The following IGSF11 variants were observed in gnomAD, a reference collection of about 807,000 sequenced individuals.
IGSF11 encodes the protein immunoglobulin superfamily member 11, also known as CXADR like 1.
A neutral mutation model predicts 41.0 loss-of-function variants in IGSF11; 22 were observed. The observed-to-expected ratio is 0.54, with a 90% CI of 0.38 to 0.77. The LOEUF (loss-of-function observed/expected upper bound fraction) is 0.77. Ranked by LOEUF, IGSF11 falls within the 30% of genes least tolerant of loss-of-function variation. The probability of loss-of-function intolerance (pLI) is 0.00; values close to 1 mark genes in which losing one functional copy is unlikely to be tolerated. For synonymous variants in IGSF11, 219 were observed against 201.3 expected, an observed-to-expected ratio of 1.09 and a Z score of -0.74; for missense variants, 444 against 530.8, an observed-to-expected ratio of 0.84 and a Z score of 1.61.
At position 119,011,468 on chromosome 3, in the gene IGSF11, C is replaced by T. The variant is rs949342455; in HGVS notation, c.52+23063G>A. Among the ~76,000 whole-genome samples, 5 of 152,252 alleles carry T rather than the reference C, an allele frequency of 3.3e-5. 1 individual carries two copies. Among genetic ancestry groups the T allele is most frequent in the East Asian group, 1.9e-4 (1 of 5,182 alleles). On this transcript the variant is annotated intron_variant, in intron 1 of 6. Transcript: ENST00000393775. ...GTATAATCTGTGAGAAGAGCCACCA[C>T]CTACTGTGGCCACAGCATGTGGAGG...
chr3:119,022,620 G>A (rs889848451), intron 1 of IGSF11, among the ~76,000 whole-genome samples: 18 of 152,116 alleles, frequency 1.2e-4, no homozygotes, highest in Admixed American at 8.5e-4. Flanking sequence ...GAAAAGGTGC[G>A]TAACCTCATT....
At chr3:119,055,088 C>A (rs568372861) in intron 1 of IGSF11, among the ~76,000 whole-genome samples, 149 of 152,286 alleles carry the variant, frequency 9.8e-4, no homozygotes, top group African/African-American at 3.5e-3. Context: ...GGACCTCCAG[C>A]AAAATCCAAC....
chr3:119,021,559 A>G (rs1346466086), intron 1 of IGSF11, among the ~76,000 whole-genome samples: 1 of 152,172 alleles, frequency 6.6e-6, no homozygotes, highest in Non-Finnish European at 1.5e-5. Flanking sequence ...AAAGTGTAAG[A>G]CCATAACAAA....
intron 1 of IGSF11, among the ~76,000 whole-genome samples, chr3:119,118,872 A>C (rs941638495): frequency 6.6e-6 from 1 of 152,092 alleles, no homozygotes; most frequent in African/African-American, 2.4e-5. Context: ...AATCTCTAGG[A>C]CAGGGGCAAA....
At chr3:119,119,122 C>T (rs542901042) in intron 1 of IGSF11, among the ~76,000 whole-genome samples, 18 of 152,310 alleles carry the variant, frequency 1.2e-4, no homozygotes, top group South Asian at 2.1e-4. Flanking sequence ...GTTCCAAAGC[C>T]GCTTCCAAAT....
Position 118,908,987 on chromosome 3 carries a change from G to C in IGSF11, c.581-3269C>G, listed in dbSNP as rs544661145. The stretch of plus-strand genomic sequence containing the variant: ...GCTACCAAAGTGCCTACAAACTGTA[G>C]ATTACTGTGAGGACTAAATGAAAGG... On this transcript the variant is annotated intron_variant, in intron 4 of 6. Transcript: ENST00000393775. Among the ~76,000 whole-genome samples, 20 of 152,290 alleles carry C rather than the reference G, an allele frequency of 1.3e-4. No homozygotes were observed. The South Asian group carries it at 1.5e-3, about 11-fold the overall frequency.
In IGSF11 at chr3:119,046,833, G is replaced by A. The variant is rs1426503749; in HGVS notation, c.49+58311C>T. 4.0e-5 allele frequency among the ~76,000 whole-genome samples: 6 copies of A among 149,808 alleles called. No homozygotes were observed. The East Asian group carries it at 7.8e-4, about 20-fold the overall frequency. On this transcript the variant is annotated intron_variant, in intron 1 of 6. Coordinates refer to the IGSF11 transcript ENST00000354673. ...CCCTACAAGCCAGAAGAGAGTGGGG[G>A]CCAATATTCAACATTCTTAAAGAAA...
chr3:118,939,069 C>T (rs1418216487), intron 1 of IGSF11, among the ~76,000 whole-genome samples: 1 of 152,122 alleles, frequency 6.6e-6, no homozygotes, highest in African/African-American at 2.4e-5. Flanking sequence ...GAACAATGAA[C>T]TTAACATAAA....
At chr3:118,917,445 A>T (rs1177804788) in intron 4 of IGSF11, among the ~76,000 whole-genome samples, 1 of 147,448 alleles carries the variant, frequency 6.8e-6, no homozygotes, top group African/African-American at 2.6e-5. Flanking sequence ...ATCCCACAGA[A>T]ATACAAACTA....
chr3:119,088,475 GA>G (rs150244161), intron 1 of IGSF11, among the ~76,000 whole-genome samples: 14,961 of 152,046 alleles, frequency 0.098, 946 homozygotes, highest in Middle Eastern at 0.15. Context: ...CAAGAAGTTA[GA>G]AAGATCTCAT....
chr3:118,926,390 A>G lies in IGSF11; in HGVS notation c.425-134T>C, dbSNP rs904357108. On this transcript the variant is annotated intron_variant, in intron 3 of 6. Transcript: ENST00000393775. ...GGAACATATACCAGGAGACAGACTC[A>G]CCGCCTGAACCCAGGGGAGGCATGT... The G allele has an allele frequency of 9.1e-6, 6 of 657,334 alleles. No homozygotes were observed. In the African/African-American group the frequency reaches 1.1e-4, roughly 12 times the overall value. 40.7% of individuals were successfully genotyped at this position (657,334 alleles called of 1,614,324 possible).
chr3:118,943,418 T>C (rs528073600), intron 1 of IGSF11, among the ~76,000 whole-genome samples: 206 of 152,304 alleles, frequency 1.4e-3, no homozygotes, highest in African/African-American at 4.7e-3. Flanking sequence ...CTTTCAAAAA[T>C]TTCAGAAATC....
intron 1 of IGSF11, among the ~76,000 whole-genome samples, chr3:119,027,536 AT>A (rs1358849178): frequency 6.6e-6 from 1 of 152,212 alleles, no homozygotes; most frequent in Non-Finnish European, 1.5e-5. Context: ...CACTAATATT[AT>A]TCAGCTTTGG....
chr3:118,922,637 A>G (rs550318687), intron 4 of IGSF11, among the ~76,000 whole-genome samples: 1 of 151,994 alleles, frequency 6.6e-6, no homozygotes, highest in South Asian at 2.1e-4. Context: ...TACCAGTTCA[A>G]CTATTTTAGA....
rs190089186 is a variant in IGSF11, at chr3:119,096,033, A to C, written c.49+9111T>G. 5.9e-5 allele frequency among the ~76,000 whole-genome samples: 9 copies of C among 151,870 alleles called. No homozygotes were observed. The East Asian group carries it at 1.7e-3, about 29-fold the overall frequency. ...TTTCAAGTATACTTAGAATTCCTTA[A>C]GGATGAAAACTGTTTTATTTATTTA... On this transcript the variant is annotated intron_variant, in intron 1 of 6. Coordinates refer to the IGSF11 transcript ENST00000354673.
At chr3:118,973,480 C>T (rs1179565823) in intron 1 of IGSF11, among the ~76,000 whole-genome samples, 2 of 152,202 alleles carry the variant, frequency 1.3e-5, no homozygotes. Flanking sequence ...ACTCATTTCT[C>T]TAACCTGACT....
At chr3:119,108,676 A>G (rs1268013472), upstream of IGSF11, among the ~76,000 whole-genome samples, 5 of 132,470 alleles carry the variant, frequency 3.8e-5, no homozygotes, top group African/African-American at 1.1e-4. Context: ...CAGTTTTCAA[A>G]GGGAATGCTT....
chr3:119,047,335 G>A (rs192644046), intron 1 of IGSF11, among the ~76,000 whole-genome samples: 1 of 152,078 alleles, frequency 6.6e-6, no homozygotes, highest in African/African-American at 2.4e-5. Context: ...AAAAAAGGCA[G>A]GAGTTGCAAT....
At chr3:119,032,831 CG>C (rs1940541043) in intron 1 of IGSF11, among the ~76,000 whole-genome samples, 1 of 152,224 alleles carries the variant, frequency 6.6e-6, no homozygotes, top group Non-Finnish European at 1.5e-5. Context: ...AAACTCCTTA[CG>C]GGCTGCAGAC....
Sources: allele counts gnomAD v4.1 joint callset (sites outside exome capture counted in the v4.1 genomes callset), GRCh38; gene constraint gnomAD v4.1.1; transcripts MANE v1.5; gene names NCBI Gene and HGNC (gene_info 2026-07-23, HGNC 2026-07-21).